The following RNF4 variants were observed in gnomAD, a reference collection of about 807,000 sequenced individuals.
The protein encoded by RNF4 is ring finger protein 4.
RNF4 carries 7 observed loss-of-function variants against 24.3 expected under a neutral mutation model. That is an observed-to-expected ratio of 0.29 (90% CI 0.16 to 0.54). The LOEUF (loss-of-function observed/expected upper bound fraction) is 0.54, where lower values mean the gene tolerates loss of function less well. Ranked by LOEUF, RNF4 falls within the 20% of genes least tolerant of loss-of-function variation. The probability of loss-of-function intolerance (pLI) is 0.95; values close to 1 mark genes in which losing one functional copy is unlikely to be tolerated. For missense variants in RNF4, 209 were observed against 248.5 expected (o/e 0.84, Z 1.07); for synonymous variants, 83 against 84.3 (o/e 0.98, Z 0.09).
rs946290764 is a variant in RNF4, at chr4:2,500,599, A to C, written c.125-60A>C. ...CATTAGCAGTCATACTAAAGTGTAG[A>C]GGGATACAACCTTACTTTCCTCTTA... is the stretch of plus-strand genomic sequence containing the variant. On this transcript the variant is annotated intron_variant, in intron 3 of 7. Coordinates refer to ENST00000314289, the MANE Select transcript of RNF4 (RefSeq NM_002938.5). 1.2e-5 allele frequency: 18 copies of C among 1,543,302 alleles called. No homozygotes were observed. In the African/African-American group the frequency reaches 2.3e-4, roughly 20 times the overall value.
intron 2 of RNF4, among the ~76,000 whole-genome samples, chr4:2,491,370 G>C (rs906447414): frequency 6.6e-6 from 1 of 152,024 alleles, no homozygotes; most frequent in Non-Finnish European, 1.5e-5. Flanking sequence ...CCACATAGCT[G>C]CGATTACAGG....
At chr4:2,488,336 T>G (rs1027782116) in intron 1 of RNF4, among the ~76,000 whole-genome samples, 1 of 152,164 alleles carries the variant, frequency 6.6e-6, no homozygotes, top group Non-Finnish European at 1.5e-5. Context: ...TGGTGGCACA[T>G]GCCTGTAGTC....
At chr4:2,506,477 C>T (rs756338495) in intron 4 of RNF4, among the ~76,000 whole-genome samples, 4 of 152,100 alleles carry the variant, frequency 2.6e-5, no homozygotes, top group African/African-American at 9.7e-5. Flanking sequence ...CCACCATGTC[C>T]GGCCTCCTTG....
chr4:2,484,039 C>T (rs1360186768), intron 1 of RNF4, among the ~76,000 whole-genome samples: 5 of 116,094 alleles, frequency 4.3e-5, no homozygotes, highest in Non-Finnish European at 7.1e-5. Flanking sequence ...ATTGTTCAGG[C>T]TGGTCTCGAA....
At chr4:2,482,683 G>C (rs1735277872) in intron 1 of RNF4, among the ~76,000 whole-genome samples, 1 of 152,174 alleles carries the variant, frequency 6.6e-6, no homozygotes, top group African/African-American at 2.4e-5. Context: ...TAATTTTATG[G>C]AAGACCTGGT....
chr4:2,497,605 A>T (rs1735776957), intron 3 of RNF4, among the ~76,000 whole-genome samples: 1 of 152,074 alleles, frequency 6.6e-6, no homozygotes, highest in Admixed American at 6.6e-5. Context: ...TTGTTTTTAT[A>T]ACTAGGATAC....
At chr4:2,508,902 G>GC (rs1247842532) in intron 4 of RNF4, among the ~76,000 whole-genome samples, 1 of 119,116 alleles carries the variant, frequency 8.4e-6, no homozygotes, top group African/African-American at 3.1e-5. Flanking sequence ...ATGATCCACT[G>GC]CCCCAGGCCT....
intron 3 of RNF4, 61 bp downstream of exon 3, chr4:2,497,182 A>G (rs1186275212): frequency 1.6e-6 from 2 of 1,283,212 alleles, no homozygotes; most frequent in Non-Finnish European, 1.1e-6. Context: ...ACACTGTACC[A>G]GGGTGAGCTA....
At chr4:2,505,328 CT>C (rs767549539) in intron 4 of RNF4, 221 of 140,424 alleles carry the variant, frequency 1.6e-3, no homozygotes, top group African/African-American at 1.8e-3. Flanking sequence ...CTGCATCTCT[CT>C]TTTTTTTTTT....
At chr4:2,502,468 A>G (rs1203862) in intron 4 of RNF4, among the ~76,000 whole-genome samples, 38,593 of 151,932 alleles carry the variant, frequency 0.25, 5,246 homozygotes, top group East Asian at 0.41. Context: ...GGCGGACCAC[A>G]AGGTCAGGAG....
intron 1 of RNF4, among the ~76,000 whole-genome samples, chr4:2,478,835 C>T (rs1735162223): frequency 6.6e-6 from 1 of 152,238 alleles, no homozygotes; most frequent in Non-Finnish European, 1.5e-5. Context: ...CCTACTGGAG[C>T]ACCACCTGGT....
intron 1 of RNF4, among the ~76,000 whole-genome samples, chr4:2,479,228 T>C (rs1735174768): frequency 6.6e-6 from 1 of 152,222 alleles, no homozygotes; most frequent in Non-Finnish European, 1.5e-5. Context: ...CTAAATTGCT[T>C]TTGATTTACA....
chr4:2,498,748 A>G (rs1265589010), intron 3 of RNF4, among the ~76,000 whole-genome samples: 1 of 152,142 alleles, frequency 6.6e-6, no homozygotes, highest in Non-Finnish European at 1.5e-5. Context: ...ACATAGTGAG[A>G]CCCTGTCTCT....
chr4:2,479,341 T>G (rs1423495558), intron 1 of RNF4, among the ~76,000 whole-genome samples: 1 of 152,168 alleles, frequency 6.6e-6, no homozygotes, highest in Admixed American at 6.5e-5. Context: ...AAGGCATGAT[T>G]TATTTTAAAA....
chr4:2,477,122 A>C (rs528141828), intron 1 of RNF4, among the ~76,000 whole-genome samples: 1 of 152,278 alleles, frequency 6.6e-6, no homozygotes, highest in South Asian at 2.1e-4. Flanking sequence ...CTCTTGCCTC[A>C]GTGTCCCAAG....
chr4:2,471,558 G>A (rs1285201908), intron 1 of RNF4, among the ~76,000 whole-genome samples: 1 of 151,720 alleles, frequency 6.6e-6, no homozygotes, highest in Admixed American at 6.6e-5. Context: ...AGTGAGAAAG[G>A]CGTATCAAAA....
chr4:2,494,413 G>C (rs1341546888), intron 2 of RNF4, among the ~76,000 whole-genome samples: 1 of 125,566 alleles, frequency 8.0e-6, no homozygotes, highest in African/African-American at 3.0e-5. Context: ...GTCTCACTCT[G>C]TCGCCCAGGC....
chr4:2,483,139 G>C (rs1735293252), intron 1 of RNF4, among the ~76,000 whole-genome samples: 1 of 152,130 alleles, frequency 6.6e-6, no homozygotes, highest in Non-Finnish European at 1.5e-5. Flanking sequence ...ATGCTCCATG[G>C]GTAGTTTTTT....
At chr4:2,503,887 A>G (rs1335936071) in intron 4 of RNF4, among the ~76,000 whole-genome samples, 2 of 152,164 alleles carry the variant, frequency 1.3e-5, no homozygotes, top group Admixed American at 6.5e-5. Flanking sequence ...TACCTGTAAT[A>G]TAGGAATCCC....
Sources: allele counts gnomAD v4.1 joint callset (sites outside exome capture counted in the v4.1 genomes callset), GRCh38; gene constraint gnomAD v4.1.1; transcripts MANE v1.5; gene names NCBI Gene and HGNC (gene_info 2026-07-23, HGNC 2026-07-21).